Variants in RERE observed in about 807,000 individuals in gnomAD.
The protein encoded by RERE is arginine-glutamic acid dipeptide repeats, also known as arginine-glutamic acid dipeptide repeats protein.
A neutral mutation model predicts 146.1 loss-of-function variants in RERE; 40 were observed. The observed-to-expected ratio is 0.27, with a 90% CI of 0.21 to 0.36. RERE has a LOEUF of 0.36. Ranked by LOEUF, RERE falls within the 10% of genes least tolerant of loss-of-function variation. The pLI, the probability that RERE is intolerant of heterozygous loss-of-function variation, is 1.00. For synonymous variants in RERE, 1,003 were observed against 866.0 expected (o/e 1.16, Z -2.78); for missense variants, 1,933 against 2,138.7 (o/e 0.90, Z 1.90).
chr1:8,765,416 T>C (rs939629884), intron 1 of RERE, among the ~76,000 whole-genome samples: 8 of 152,194 alleles, frequency 5.3e-5, no homozygotes, highest in Non-Finnish European at 1.2e-4. Flanking sequence ...TGTTCTGAAA[T>C]TGCAGTGATG....
intron 1 of RERE, among the ~76,000 whole-genome samples, chr1:8,759,617 C>T (rs565243284): frequency 6.6e-6 from 1 of 152,272 alleles, no homozygotes; most frequent in South Asian, 2.1e-4. Context: ...ATCAAAATCT[C>T]AAGAGATATG....
chr1:8,480,128 G>GTTTTTTTTTTTTTTTTTTTTTTTTTTT (rs112068785), intron 10 of RERE, among the ~76,000 whole-genome samples: 1 of 135,224 alleles, frequency 7.4e-6, no homozygotes, highest in Non-Finnish European at 1.6e-5. Context: ...GCCTTTTTTT[G>GTTTTTTTTTTTTTTTTTTTTTTTTTTT]TTTTTTTTTT....
intron 1 of RERE, among the ~76,000 whole-genome samples, chr1:8,745,160 C>T (rs915231244): frequency 2.7e-4 from 41 of 152,124 alleles, no homozygotes; most frequent in African/African-American, 9.4e-4. Flanking sequence ...GATTGGATCA[C>T]AGGGCAGTTT....
At chr1:8,644,666 A>G (rs1047754924) in intron 2 of RERE, among the ~76,000 whole-genome samples, 1 of 152,134 alleles carries the variant, frequency 6.6e-6, no homozygotes, top group East Asian at 1.9e-4. Context: ...TCACCTTCTC[A>G]GCTTACTTCC....
chr1:8,616,484 A>T (rs1415492259), intron 3 of RERE, among the ~76,000 whole-genome samples: 1 of 152,208 alleles, frequency 6.6e-6, no homozygotes, highest in African/African-American at 2.4e-5. Flanking sequence ...AGTTTGAACA[A>T]GACTTTACCA....
At chr1:8,359,651 G>T in intron 19 of RERE, 113 bp downstream of exon 19, 1 of 1,190,238 alleles carries the variant, frequency 8.4e-7, no homozygotes, top group Non-Finnish European at 1.2e-6. Context: ...CAACCCTCTA[G>T]CTGCCAGGAG....
intron 2 of RERE, among the ~76,000 whole-genome samples, chr1:8,652,348 C>G (rs953039056): frequency 6.6e-6 from 1 of 152,194 alleles, no homozygotes; most frequent in African/African-American, 2.4e-5. Context: ...TTTTCAGATT[C>G]ACTGAAACAC....
intron 1 of RERE, among the ~76,000 whole-genome samples, chr1:8,768,123 G>A (rs955715769): frequency 6.6e-6 from 1 of 152,200 alleles, no homozygotes; most frequent in Non-Finnish European, 1.5e-5. Context: ...TCCATTAGCT[G>A]AATGATGTCT....
chr1:8,548,045 T>C (rs1645887054), intron 6 of RERE, among the ~76,000 whole-genome samples: 2 of 152,186 alleles, frequency 1.3e-5, no homozygotes, highest in Admixed American at 6.5e-5. Context: ...TATGAACTGA[T>C]AAGAGCAATT....
At chr1:8,625,408 A>G (rs984597778) in intron 2 of RERE, among the ~76,000 whole-genome samples, 3 of 152,218 alleles carry the variant, frequency 2.0e-5, no homozygotes, top group Admixed American at 1.3e-4. Flanking sequence ...AAGTCTACGT[A>G]TTATTTACTG....
At chr1:8,645,706 C>T (rs1168478085) in intron 2 of RERE, among the ~76,000 whole-genome samples, 3 of 152,166 alleles carry the variant, frequency 2.0e-5, no homozygotes, top group Non-Finnish European at 4.4e-5. Context: ...CTTAATGATC[C>T]TTTCCCTATA....
At chr1:8,450,513 CACCTTAGCAA>C (rs2124066436) in intron 11 of RERE, among the ~76,000 whole-genome samples, 1 of 152,256 alleles carries the variant, frequency 6.6e-6, no homozygotes, top group East Asian at 1.9e-4. Context: ...ACCAGAAGCT[CACCTTAGCAA>C]ATCCCAACTG....
intron 2 of RERE, among the ~76,000 whole-genome samples, chr1:8,632,727 A>G (rs1406668811): frequency 6.6e-6 from 1 of 152,244 alleles, no homozygotes; most frequent in Non-Finnish European, 1.5e-5. Context: ...TGTACTTCAC[A>G]GGCATCTTCT....
chr1:8,491,507 T>C (rs1383747419), intron 10 of RERE, among the ~76,000 whole-genome samples: 2 of 151,576 alleles, frequency 1.3e-5, no homozygotes, highest in African/African-American at 4.9e-5. Context: ...TGGTACCAGC[T>C]ACTCTGGAGG....
At chr1:8,796,781 A>AACC (rs1300841060) in intron 1 of RERE, 2 of 152,200 alleles carry the variant, frequency 1.3e-5, no homozygotes, top group African/African-American at 4.8e-5. Flanking sequence ...AAATACAGAG[A>AACC]ACCACAATTT....
intron 13 of RERE, among the ~76,000 whole-genome samples, chr1:8,365,053 G>C (rs1179762368): frequency 1.3e-5 from 2 of 152,234 alleles, no homozygotes; most frequent in Non-Finnish European, 2.9e-5. Context: ...CCAGGACAGA[G>C]GGCCTGTGTG....
At chr1:8,373,981 C>T (rs1264871359) in intron 12 of RERE, among the ~76,000 whole-genome samples, 1 of 152,238 alleles carries the variant, frequency 6.6e-6, no homozygotes, top group Non-Finnish European at 1.5e-5. Context: ...AGGAGCCTGG[C>T]ACTGTCAGCG....
At chr1:8,553,348 G>C (rs1201562921) in intron 6 of RERE, among the ~76,000 whole-genome samples, 4 of 151,788 alleles carry the variant, frequency 2.6e-5, no homozygotes, top group African/African-American at 9.7e-5. Flanking sequence ...CACTAGGCCA[G>C]CACATCCACA....
chr1:8,699,867 C>G (rs1639410197), intron 1 of RERE, among the ~76,000 whole-genome samples: 1 of 152,164 alleles, frequency 6.6e-6, no homozygotes, highest in Non-Finnish European at 1.5e-5. Context: ...CCCACGAGAT[C>G]CCACTCCGCC....
Sources: allele counts gnomAD v4.1 joint callset (sites outside exome capture counted in the v4.1 genomes callset), GRCh38; gene constraint gnomAD v4.1.1; transcripts MANE v1.5; gene names NCBI Gene and HGNC (gene_info 2026-07-23, HGNC 2026-07-21).